CIAO3: variants seen among roughly 807,000 people sequenced by gnomAD.
CIAO3 encodes the protein LET1 like/JFP15.
A neutral mutation model predicts 51.5 loss-of-function variants in CIAO3; 45 were observed. The observed-to-expected ratio is 0.87, with a 90% CI of 0.69 to 1.12. The LOEUF (loss-of-function observed/expected upper bound fraction) is 1.12. Ranked by LOEUF, CIAO3 falls within the 50% of genes most tolerant of loss-of-function variation. The pLI is 0.00. For missense variants in CIAO3, 668 were observed against 632.5 expected, an observed-to-expected ratio of 1.06 and a Z score of -0.60; for synonymous variants, 314 against 269.3, an observed-to-expected ratio of 1.17 and a Z score of -1.63.
chr16:731,589 G>A lies in CIAO3; in HGVS notation c.1010C>T (p.Ala337Val), dbSNP rs757039273. Residue 337 changes from alanine to valine, a missense_variant, in exon 9 of 11, where the codon GCT becomes GTT. Ala to Val is a moderately conservative substitution (Grantham distance 64). Coordinates refer to ENST00000251588, the MANE Select transcript of CIAO3 (RefSeq NM_022493.3). ...CCTCAGGGGTTTGTAGGTAACCTCA[G>A]CCACATGGATTCCAAAGAGCTCTCG... is the stretch of plus-strand genomic sequence containing the variant. Reference protein sequence around the residue: ...AARELFGIHVAEVTYKPLRNK... With the variant: ...AARELFGIHVVEVTYKPLRNK... The A allele has an allele frequency of 1.1e-5, 18 of 1,567,766 alleles. No homozygotes were observed. Among genetic ancestry groups the A allele is most frequent in the Non-Finnish European group, 1.5e-5 (17 of 1,156,814 alleles).
intron 5 of CIAO3, 103 bp from the exon 6 acceptor site, chr16:734,450 G>T: frequency 1.1e-6 from 1 of 888,872 alleles, no homozygotes; most frequent in Non-Finnish European, 1.8e-6. Flanking sequence ...TCATACAGGA[G>T]ATCATGATGA....
chr16:737,124 G>A lies in CIAO3; in HGVS notation c.306+62C>T, dbSNP rs1179158275. The A allele has an allele frequency of 2.2e-5, 35 of 1,601,764 alleles. No individual in the cohort carries two copies. The highest frequency in any genetic ancestry group is 2.8e-5 in the Non-Finnish European group (33 of 1,170,584). On this transcript the variant is annotated intron_variant, in intron 3 of 10. Transcript: ENST00000251588. This position sits in a 1 kb window ranked among gnomAD's most constrained non-coding sequence, Gnocchi z 5.3. ...ACACGAGCTGCCCTTGGCAAAACGC[G>A]TTGTCGGCTGCTGGGATGGATTTCA... is the stretch of plus-strand genomic sequence containing the variant.
chr16:736,087 C>T (rs8047954), intron 4 of CIAO3, among the ~76,000 whole-genome samples, 179 bp downstream of exon 4: 1 of 152,044 alleles, frequency 6.6e-6, no homozygotes, highest in African/African-American at 2.4e-5. Context: ...GTGAGAAGGC[C>T]CTGCTCTCAA....
intron 1 of CIAO3, 64 bp from the exon 2 acceptor site, chr16:739,802 G>C: frequency 6.5e-7 from 1 of 1,527,246 alleles, no homozygotes; most frequent in African/African-American, 1.4e-5. Flanking sequence ...GGGAGGCCAG[G>C]CCTCAAGGAT....
chr16:733,058 T>C (rs2041301810), intron 7 of CIAO3: 1 of 524,652 alleles, frequency 1.9e-6, no homozygotes, highest in Non-Finnish European at 3.4e-6. Flanking sequence ...AAGACTCATT[T>C]CAGAGCCAAC....
rs1164668785 is a variant in CIAO3, at chr16:733,484, G to A, written c.694-57C>T. The A allele has an allele frequency of 1.2e-5, 19 of 1,607,512 alleles. No homozygotes were observed. In the Middle Eastern group the frequency reaches 5.0e-4, roughly 42 times the overall value. On this transcript the variant is annotated intron_variant, in intron 6 of 10. Transcript: ENST00000251588. ...ATCCCAGCAGTAAGGTGGCTGAGAC[G>A]GGACCTGGAACTCAGCCATCCTGCA...
rs1374831231 is a variant in CIAO3 at position 740,962 on chromosome 16, C to G, written c.24G>C (p.Ala8=). The change falls in exon 1 of 11, where the codon GCG becomes GCC. Residue 8 remains alanine, a synonymous_variant. Transcript: ENST00000251588. MASPFSG[A]LQLTDLDDFI... ...AGTCATCCAGGTCCGTCAGCTGCAG[C>G]GCCCCGCTGAAGGGCGACGCCATGA... The G allele has an allele frequency of 1.5e-5, 23 of 1,517,046 alleles. No homozygotes were observed. Among genetic ancestry groups the G allele is most frequent in the Non-Finnish European group, 2.0e-5 (23 of 1,136,280 alleles). The allele number at this position is 1,517,046 out of a possible 1,614,324, so 94.0% of individuals were successfully genotyped here. A position where few individuals can be genotyped will look rare whatever the true frequency, so the allele number is the denominator to read the frequency against.
chr16:731,498 C>G, intron 9 of CIAO3, 67 bp downstream of exon 9: 25 of 1,469,368 alleles, frequency 1.7e-5, no homozygotes, highest in Non-Finnish European at 2.2e-5. Context: ...CCAGGGGAGG[C>G]AGCAGCCCGA....
chr16:739,919 G>A lies in CIAO3; in HGVS notation c.67-181C>T, dbSNP rs543210477. The A allele has an allele frequency of 1.0e-4, 132 of 1,315,812 alleles. No homozygotes were observed. In the African/African-American group the frequency reaches 1.0e-3, roughly 10 times the overall value. 81.5% of individuals were successfully genotyped at this position (1,315,812 alleles called of 1,614,324 possible). A position where few individuals can be genotyped will look rare whatever the true frequency, so the allele number is the denominator to read the frequency against. ...GCCCCACTGCTCTCACCCAGGGATC[G>A]GGTTCCCAACATCCTGCGGCACTGA... is the stretch of plus-strand genomic sequence containing the variant. On this transcript the variant is annotated intron_variant, in intron 1 of 10. Transcript: ENST00000251588.
In CIAO3 at chr16:740,189, G is replaced by T. The variant is rs113081799; in HGVS notation, c.67-451C>A. On this transcript the variant is annotated intron_variant, in intron 1 of 10. Transcript: ENST00000251588. ...CTTGAGAACCCTGGCAGCCCAGAAA[G>T]CCGCCTCCCAGCTCATCCCTGCCGG... 4.5e-6 allele frequency: 5 copies of T among 1,113,880 alleles called. No homozygotes were observed. In the African/African-American group the frequency reaches 8.0e-5, roughly 18 times the overall value. 69.0% of individuals were successfully genotyped at this position (1,113,880 alleles called of 1,614,324 possible). A position where few individuals can be genotyped will look rare whatever the true frequency, so the allele number is the denominator to read the frequency against.
chr16:740,739 A>G, intron 1 of CIAO3, 181 bp downstream of exon 1: 1 of 568,976 alleles, frequency 1.8e-6, no homozygotes, highest in Non-Finnish European at 3.0e-6. Context: ...CTTGTTGGTA[A>G]GAAGCGGGCC....
rs1335379782 is a variant in CIAO3, at chr16:737,978, G to A, written c.163-649C>T. ...GAGCAGGGCCAGGGGTGCTGCAGTG[G>A]CCCGGAATACAGCCAGAGGAGTAAG... On this transcript the variant is annotated intron_variant, in intron 2 of 10. Transcript: ENST00000251588. The surrounding 1 kb of genome is among the most constrained non-coding windows in gnomAD (Gnocchi z 5.3). The A allele has an allele frequency of 5.2e-6, 6 of 1,162,226 alleles. No homozygotes were observed. The East Asian group carries it at 2.6e-4, about 51-fold the overall frequency. 72.0% of individuals were successfully genotyped at this position (1,162,226 alleles called of 1,614,324 possible). A position where few individuals can be genotyped will look rare whatever the true frequency, so the allele number is the denominator to read the frequency against.
At chr16:732,461 G>A (rs755838425) in intron 7 of CIAO3, 88 bp from the exon 8 acceptor site, 1 of 1,483,254 alleles carries the variant, frequency 6.7e-7, no homozygotes, top group South Asian at 1.1e-5. Context: ...ATCCCCAGCA[G>A]TCTGCACTTT....
intron 8 of CIAO3, 168 bp downstream of exon 8, chr16:732,133 C>A (rs1011123907): frequency 2.5e-5 from 18 of 721,992 alleles, no homozygotes; most frequent in Non-Finnish European, 4.0e-5. Flanking sequence ...CCACCTTGGC[C>A]TCCCAAAGTG....
chr16:735,807 C>T (rs1022205964), intron 4 of CIAO3, among the ~76,000 whole-genome samples: 5 of 152,184 alleles, frequency 3.3e-5, no homozygotes, highest in Admixed American at 1.3e-4. Context: ...TGGTGGTTAC[C>T]TGTGAAAGGC....
rs2041335928 is a variant in CIAO3 at position 736,248 on chromosome 16, C to T, written c.439+18G>A. On this transcript the variant is annotated intron_variant, in intron 4 of 10. Coordinates refer to ENST00000251588, the MANE Select transcript of CIAO3 (RefSeq NM_022493.3). ...CCTTGATTTGGAGCGGCAGTGTTAC[C>T]CCAGGTTCAAAGCCTACCTATTTTT... The T allele has an allele frequency of 1.2e-6, 2 of 1,612,052 alleles. No homozygotes were observed. Among genetic ancestry groups the T allele is most frequent in the African/African-American group, 1.3e-5 (1 of 74,890 alleles).
At chr16:731,762 A>AGGGCCTCTGTCCCTCACTC (rs2041285804) in intron 8 of CIAO3, 60 bp from the exon 9 acceptor site, 2 of 1,481,834 alleles carry the variant, frequency 1.3e-6, no homozygotes, top group Middle Eastern at 2.0e-4. Context: ...CCTCCCGAGC[A>AGGGCCTCTGTCCCTCACTC]GGGCCTCTGT....
At position 730,558 on chromosome 16, in the gene CIAO3, C is replaced by G; in HGVS notation, c.1290G>C (p.Glu430Asp). Residue 430 changes from glutamate (E) to aspartate (D), a missense_variant, in exon 11 of 11, where the codon GAG becomes GAC. Coordinates refer to ENST00000251588, the MANE Select transcript of CIAO3 (RefSeq NM_022493.3). ...GAACCCCAGGCGCGTCCTCGGGCGC[C>G]TCAGCCCGGACCATGCCGTACAGTC... is the stretch of plus-strand genomic sequence containing the variant. ...VERLYGMVRA[E>D]APEDAPGVQE... The G allele has an allele frequency of 6.2e-7, 1 of 1,610,992 alleles. No individual in the cohort carries two copies. Among genetic ancestry groups the G allele is most frequent in the Non-Finnish European group, 8.5e-7 (1 of 1,179,992 alleles).
chr16:733,902 C>A (rs1181053299), intron 6 of CIAO3: 3 of 400,614 alleles, frequency 7.5e-6, no homozygotes, highest in Non-Finnish European at 1.4e-5. Flanking sequence ...TCCCGCTGGG[C>A]CTCAGGTGGG....
Sources: allele counts gnomAD v4.1 joint callset (sites outside exome capture counted in the v4.1 genomes callset), GRCh38; gene constraint gnomAD v4.1.1; non-coding constraint Gnocchi (gnomAD v3.1); transcripts MANE v1.5; gene names NCBI Gene and HGNC (gene_info 2026-07-23, HGNC 2026-07-21).